Variants in DOCK3 observed in about 807,000 individuals in gnomAD.
The protein encoded by DOCK3 is dedicator of cytokinesis 3, also known as dedicator of cytokinesis protein 3.
In DOCK3, 60 loss-of-function variants were observed where a neutral mutation model predicts 265.6. The ratio of observed to expected loss-of-function variants is 0.23; its 90% confidence interval spans 0.18 to 0.28. The LOEUF is 0.28. Ranked by LOEUF, DOCK3 falls within the 10% of genes least tolerant of loss-of-function variation. The pLI, the probability that DOCK3 is intolerant of heterozygous loss-of-function variation, is 1.00. For missense variants in DOCK3, 1,981 were observed against 2,594.3 expected (o/e 0.76, Z 5.14); for synonymous variants, 881 against 938.0 (o/e 0.94, Z 1.11).
chr3:50,793,383 A>T (rs1576450431), intron 2 of DOCK3, among the ~76,000 whole-genome samples: 3 of 118,624 alleles, frequency 2.5e-5, no homozygotes, highest in Admixed American at 9.3e-5. Context: ...TTTGAGGCAG[A>T]GTTTTGCTCT....
chr3:51,023,120 C>T (rs2079664768), intron 5 of DOCK3, among the ~76,000 whole-genome samples: 1 of 152,138 alleles, frequency 6.6e-6, no homozygotes, highest in Non-Finnish European at 1.5e-5. Context: ...GGAAGTTTTC[C>T]TCAATTATTC....
intron 1 of DOCK3, among the ~76,000 whole-genome samples, chr3:50,771,107 C>G (rs921514549): frequency 2.0e-5 from 3 of 152,110 alleles, no homozygotes; most frequent in African/African-American, 7.2e-5. Context: ...GGGATCACAT[C>G]AAGTTAAAAA....
At chr3:50,919,243 ACT>A (rs1464888539) in intron 4 of DOCK3, among the ~76,000 whole-genome samples, 5 of 151,942 alleles carry the variant, frequency 3.3e-5, no homozygotes, top group African/African-American at 1.2e-4. Flanking sequence ...GGCAATGCGG[ACT>A]CTTTTTTGGT....
Position 51,227,381 on chromosome 3 carries a change from A to G in DOCK3, c.1476A>G (p.Lys492=). The change falls in exon 16 of 53, where the codon AAA becomes AAG. Residue 492 remains lysine, a synonymous_variant. Transcript: ENST00000266037. ...SNSPRWGEII[K]LPIPIDRFRG... ...GTCCTCGCTGGGGAGAAATTATCAA[A>G]TTGCCTATCCCCATTGACCGGTTCC... 1.9e-6 allele frequency: 3 copies of G among 1,613,916 alleles called. No homozygotes were observed.
At chr3:50,857,245 T>G (rs1284499073) in intron 3 of DOCK3, among the ~76,000 whole-genome samples, 1 of 152,166 alleles carries the variant, frequency 6.6e-6, no homozygotes, top group African/African-American at 2.4e-5. Flanking sequence ...TTGGTAAGAT[T>G]GGTCGCAGCT....
chr3:50,764,240 C>T (rs2040717375), intron 1 of DOCK3, among the ~76,000 whole-genome samples: 1 of 151,782 alleles, frequency 6.6e-6, no homozygotes, highest in Non-Finnish European at 1.5e-5. Context: ...GCATAATAAA[C>T]AGAAATAAAT....
rs1020076674 is a variant in DOCK3 at position 51,310,175 on chromosome 3, T to C, written c.2923-57T>C. 88 of 1,401,242 alleles carry C rather than the reference T, an allele frequency of 6.3e-5. No homozygotes were observed. The African/African-American group carries it at 1.0e-3, about 16-fold the overall frequency. The allele number at this position is 1,401,242 out of a possible 1,614,324, so 86.8% of individuals were successfully genotyped here. A position where few individuals can be genotyped will look rare whatever the true frequency, so the allele number is the denominator to read the frequency against. On this transcript the variant is annotated intron_variant, in intron 27 of 52. Transcript: ENST00000266037. ...TCTAGTGGCGGCCAGGAGTGGCCTA[T>C]TGAGGAGATGCATATTGTGGTGGTG...
intron 1 of DOCK3, among the ~76,000 whole-genome samples, chr3:50,710,719 C>A (rs2036706544): frequency 6.6e-6 from 1 of 152,158 alleles, no homozygotes; most frequent in Non-Finnish European, 1.5e-5. Flanking sequence ...TGTGCTATAG[C>A]AGCACAATTT....
At chr3:51,034,381 A>G (rs1418637695) in intron 5 of DOCK3, among the ~76,000 whole-genome samples, 4 of 152,028 alleles carry the variant, frequency 2.6e-5, no homozygotes, top group African/African-American at 9.7e-5. Context: ...ATCAGCTTTT[A>G]AGATATACTT....
chr3:51,022,806 C>T (rs9284888), intron 5 of DOCK3, among the ~76,000 whole-genome samples: 137,262 of 152,262 alleles, frequency 0.9, 62,069 homozygotes, highest in African/African-American at 0.95. Flanking sequence ...AGGATATTTA[C>T]TGTTTCACTT....
At chr3:50,696,125 T>C (rs1448743030) in intron 1 of DOCK3, among the ~76,000 whole-genome samples, 2 of 152,226 alleles carry the variant, frequency 1.3e-5, no homozygotes, top group East Asian at 1.9e-4. Flanking sequence ...TCATTAACTT[T>C]TAAAAATTTA....
chr3:51,243,562 AT>A (rs1371220611), intron 21 of DOCK3, among the ~76,000 whole-genome samples: 6 of 151,846 alleles, frequency 4.0e-5, no homozygotes, highest in Non-Finnish European at 5.9e-5. Context: ...AAAAGAGGTT[AT>A]TTGTTTTATT....
intron 2 of DOCK3, among the ~76,000 whole-genome samples, chr3:50,779,469 T>C (rs914272914): frequency 1.3e-5 from 2 of 152,148 alleles, no homozygotes; most frequent in African/African-American, 4.8e-5. Context: ...CTGCAACCTC[T>C]GCCTCCCAGG....
intron 7 of DOCK3, among the ~76,000 whole-genome samples, chr3:51,079,940 TATTGGG>T (rs1277108519): frequency 6.6e-6 from 1 of 152,234 alleles, no homozygotes; most frequent in Non-Finnish European, 1.5e-5. Context: ...CATTATCATG[TATTGGG>T]ATTTGTGTTT....
At chr3:51,276,461 G>A in intron 25 of DOCK3, 1 of 984,796 alleles carries the variant, frequency 1.0e-6, no homozygotes, top group Non-Finnish European at 1.2e-6. Flanking sequence ...ACTTGGAGGT[G>A]ACGGTTTGGT....
intron 1 of DOCK3, among the ~76,000 whole-genome samples, chr3:50,738,128 G>A (rs530432008): frequency 9.9e-5 from 15 of 152,278 alleles, no homozygotes; most frequent in Admixed American, 7.8e-4. Context: ...TGATATAGTC[G>A]TTGGGTGGGA....
chr3:50,914,063 A>ATTTTATTTTATTTTATTTTT, intron 4 of DOCK3, among the ~76,000 whole-genome samples: 2 of 150,274 alleles, frequency 1.3e-5, no homozygotes, highest in Non-Finnish European at 1.5e-5. Flanking sequence ...ATTTTATTTT[A>ATTTTATTTTATTTTATTTTT]TTTTATTTTA....
intron 31 of DOCK3, among the ~76,000 whole-genome samples, chr3:51,314,362 A>G (rs1460713557): frequency 6.6e-6 from 1 of 152,180 alleles, no homozygotes; most frequent in African/African-American, 2.4e-5. Flanking sequence ...ACACAAAGGG[A>G]GTTCAGGGTG....
chr3:50,989,990 A>T (rs532105357), intron 5 of DOCK3, among the ~76,000 whole-genome samples: 3 of 152,352 alleles, frequency 2.0e-5, no homozygotes, highest in African/African-American at 7.2e-5. Context: ...ATAACACAAT[A>T]TAAGAATTTC....
Sources: allele counts gnomAD v4.1 joint callset (sites outside exome capture counted in the v4.1 genomes callset), GRCh38; gene constraint gnomAD v4.1.1; transcripts MANE v1.5; gene names NCBI Gene and HGNC (gene_info 2026-07-23, HGNC 2026-07-21).